Variants in RFX3 observed in about 807,000 individuals in gnomAD.
RFX3 encodes regulatory factor X3.
A neutral mutation model predicts 98.6 loss-of-function variants in RFX3; 14 were observed. The observed-to-expected ratio is 0.14, with a 90% CI of 0.09 to 0.22. RFX3 has a LOEUF of 0.22. Among genes scored for constraint, RFX3 ranks in the 10% least tolerant of loss-of-function variants. The pLI is 1.00. For missense variants in RFX3, 639 were observed against 926.9 expected, an observed-to-expected ratio of 0.69 and a Z score of 4.03; for synonymous variants, 383 against 328.4, an observed-to-expected ratio of 1.17 and a Z score of -1.80.
chr9:3,228,871 C>A lies in RFX3; in HGVS notation c.1987G>T (p.Val663Leu), dbSNP rs191847028. 1 of 1,610,368 alleles carries A rather than the reference C, an allele frequency of 6.2e-7. No homozygotes were observed. The highest frequency in any genetic ancestry group is 1.1e-5 in the South Asian group (1 of 90,256). ...VMGEFGDLNA[V>L]SPGNLDKDEG... Reference sequence around the variant, plus strand: ...CCTTTATCCAGATTTCCAGGAGACACGGCATTTAAATCACCAAACTGCAAA... The same window carrying A: ...CCTTTATCCAGATTTCCAGGAGACAAGGCATTTAAATCACCAAACTGCAAA... Residue 663 changes from valine to leucine, a missense_variant, in exon 16 of 17, where the codon GTG becomes TTG. By Grantham distance (32) the Val-to-Leu change is conservative (BLOSUM62 1). Around this residue, in one of 9 missense-constraint regions of RFX3, gnomAD observed 129 missense variants for 124.6 expected, o/e 1.04. Transcript: ENST00000617270.
chr9:3,348,059 T>C (rs1475401973), intron 2 of RFX3, among the ~76,000 whole-genome samples: 1 of 152,202 alleles, frequency 6.6e-6, no homozygotes, highest in Non-Finnish European at 1.5e-5. Flanking sequence ...TACATAATAA[T>C]GCATTTGGGT....
chr9:3,322,222 T>C (rs1189199789), intron 4 of RFX3, among the ~76,000 whole-genome samples: 1 of 152,168 alleles, frequency 6.6e-6, no homozygotes, highest in Non-Finnish European at 1.5e-5. Context: ...AAATGTTTAA[T>C]ATTGAAATTT....
chr9:3,504,934 T>G (rs1439534875), intron 1 of RFX3, among the ~76,000 whole-genome samples: 5 of 63,662 alleles, frequency 7.9e-5, no homozygotes, highest in East Asian at 1.2e-3. Context: ...ATATTATATA[T>G]AATATATATA....
intron 1 of RFX3, among the ~76,000 whole-genome samples, chr9:3,520,231 T>C (rs999914336): frequency 6.6e-6 from 1 of 152,244 alleles, no homozygotes; most frequent in Non-Finnish European, 1.5e-5. Flanking sequence ...CTTTAATAAA[T>C]GTTTTGGATT....
chr9:3,522,579 G>A (rs2133946019), intron 1 of RFX3, among the ~76,000 whole-genome samples: 1 of 151,760 alleles, frequency 6.6e-6, no homozygotes, highest in East Asian at 1.9e-4. Context: ...GTGTGTGTGT[G>A]TGTGTGTGTA....
chr9:3,384,991 C>CTG (rs1287969946), intron 2 of RFX3, among the ~76,000 whole-genome samples: 4 of 152,324 alleles, frequency 2.6e-5, no homozygotes, highest in Admixed American at 1.3e-4. Context: ...CCAGCTCATA[C>CTG]TATAAATGAC....
intron 2 of RFX3, among the ~76,000 whole-genome samples, chr9:3,387,162 C>T (rs1199835553): frequency 6.6e-6 from 1 of 152,076 alleles, no homozygotes; most frequent in Non-Finnish European, 1.5e-5. Context: ...ATTATTGACC[C>T]TCACTCCCAA....
At chr9:3,426,607 C>A (rs1215532758) in intron 1 of RFX3, among the ~76,000 whole-genome samples, 1 of 152,166 alleles carries the variant, frequency 6.6e-6, no homozygotes, top group Non-Finnish European at 1.5e-5. Context: ...ACTGCCTGAG[C>A]TCTGCCTCCT....
chr9:3,422,396 T>C (rs1370672786), intron 1 of RFX3, among the ~76,000 whole-genome samples: 3 of 152,192 alleles, frequency 2.0e-5, no homozygotes, highest in African/African-American at 7.2e-5. Flanking sequence ...AGAGAAGAGA[T>C]GACCTAAAGT....
intron 2 of RFX3, among the ~76,000 whole-genome samples, chr9:3,362,295 A>T (rs1431487654): frequency 6.6e-6 from 1 of 152,208 alleles, no homozygotes; most frequent in Non-Finnish European, 1.5e-5. Context: ...AATGTCAAAG[A>T]TTAGAAAATA....
chr9:3,228,569 A>G (rs1290632082), intron 16 of RFX3, among the ~76,000 whole-genome samples: 1 of 152,186 alleles, frequency 6.6e-6, no homozygotes, highest in Non-Finnish European at 1.5e-5. Flanking sequence ...GTCAGAAATA[A>G]TTTCTTGTTG....
intron 15 of RFX3, among the ~76,000 whole-genome samples, chr9:3,231,382 A>G (rs2130700698): frequency 6.6e-6 from 1 of 152,312 alleles, no homozygotes; most frequent in African/African-American, 2.4e-5. Flanking sequence ...AGGCTGCATG[A>G]GATCCGCAAA....
chr9:3,423,423 T>C (rs978622108), intron 1 of RFX3, among the ~76,000 whole-genome samples: 4 of 152,168 alleles, frequency 2.6e-5, no homozygotes, highest in African/African-American at 9.7e-5. Context: ...AGTATACTCC[T>C]AAAATGAAAT....
intron 9 of RFX3, among the ~76,000 whole-genome samples, chr9:3,275,069 G>C (rs1001669481): frequency 5.3e-5 from 8 of 151,598 alleles, no homozygotes; most frequent in African/African-American, 1.7e-4. Context: ...TGGCTGTATA[G>C]TATTCTACTC....
chr9:3,490,465 C>A (rs1047595947), intron 1 of RFX3: 2 of 167,422 alleles, frequency 1.2e-5, no homozygotes, highest in Non-Finnish European at 2.4e-5. Context: ...ATATTAATTA[C>A]ATAACTGAAT....
At chr9:3,258,906 C>G (rs960141707) in intron 13 of RFX3, among the ~76,000 whole-genome samples, 2 of 151,294 alleles carry the variant, frequency 1.3e-5, no homozygotes, top group African/African-American at 4.8e-5. Context: ...TTATTATATG[C>G]TTATACATAC....
At chr9:3,344,812 G>T (rs1357624021) in intron 3 of RFX3, 1 of 712,516 alleles carries the variant, frequency 1.4e-6, no homozygotes, top group South Asian at 1.5e-5. Context: ...TTTTCATTTG[G>T]TATAAATGCC....
At chr9:3,466,834 C>T (rs959750765) in intron 1 of RFX3, among the ~76,000 whole-genome samples, 1 of 151,640 alleles carries the variant, frequency 6.6e-6, no homozygotes, top group Non-Finnish European at 1.5e-5. Flanking sequence ...ATCCCTGAAA[C>T]AGAATAATCC....
chr9:3,496,505 C>A (rs1488097016), intron 1 of RFX3, among the ~76,000 whole-genome samples: 2 of 151,978 alleles, frequency 1.3e-5, no homozygotes, highest in Non-Finnish European at 2.9e-5. Context: ...TCCTGCAAAA[C>A]TCTCCTCATA....
Sources: gnomAD v4.1 joint callset for allele counts (sites outside exome capture counted in the v4.1 genomes callset) on GRCh38, gnomAD v4.1.1 for gene constraint, gnomAD v4.1.1 regional missense constraint, MANE v1.5 for transcripts, NCBI Gene and HGNC (gene_info 2026-07-23, HGNC 2026-07-21) for gene names.